Variants in FLACC1 observed in about 807,000 individuals in gnomAD.
FLACC1 encodes flagellum associated containing coiled-coil domains 1, also known as flagellum-associated coiled-coil domain-containing protein 1.
FLACC1 carries 66 observed loss-of-function variants against 62.8 expected under a neutral mutation model. The observed-to-expected ratio is 1.05, with a 90% confidence interval of 0.86 to 1.29. The LOEUF is 1.29. FLACC1 is among the 50% of genes most tolerant of loss of function. FLACC1 has a pLI of 0.00. For synonymous variants in FLACC1, 156 were observed against 161.0 expected (o/e 0.97, Z 0.24); for missense variants, 452 against 489.1 (o/e 0.92, Z 0.71).
chr2:201,342,338 A>G (rs1950825624), intron 7 of FLACC1, 32 bp downstream of exon 7: 1 of 1,612,678 alleles, frequency 6.2e-7, no homozygotes, highest in Non-Finnish European at 8.5e-7. Context: ...AGAGCCATCA[A>G]CACACACAAG....
chr2:201,325,632 C>T (rs1950487495), intron 9 of FLACC1, among the ~76,000 whole-genome samples: 1 of 152,006 alleles, frequency 6.6e-6, no homozygotes, highest in South Asian at 2.1e-4. Flanking sequence ...GAAACAGAAA[C>T]CCTGAACAGG....
At chr2:201,354,095 C>T (rs989798544) in intron 1 of FLACC1, among the ~76,000 whole-genome samples, 2 of 152,228 alleles carry the variant, frequency 1.3e-5, no homozygotes, top group African/African-American at 4.8e-5. Flanking sequence ...TCCAACACGA[C>T]TGATGCTTGA....
chr2:201,338,749 G>C (rs1163984070), intron 7 of FLACC1, among the ~76,000 whole-genome samples: 3 of 152,090 alleles, frequency 2.0e-5, no homozygotes, highest in African/African-American at 7.2e-5. Flanking sequence ...TTGCATTTCT[G>C]ATATAAGTCC....
At chr2:201,302,608 C>T (rs1482566492) in intron 11 of FLACC1, among the ~76,000 whole-genome samples, 1 of 152,154 alleles carries the variant, frequency 6.6e-6, no homozygotes, top group Non-Finnish European at 1.5e-5. Flanking sequence ...AACTCTCCAC[C>T]CCAAATCAAC....
intron 5 of FLACC1, 144 bp from the exon 6 acceptor site, chr2:201,344,407 T>C (rs901873718): frequency 4.1e-6 from 2 of 485,218 alleles, no homozygotes; most frequent in Non-Finnish European, 7.6e-6. Context: ...CATTATGGGG[T>C]GGGGGTGGAG....
intron 12 of FLACC1, 51 bp downstream of exon 12, chr2:201,299,187 T>C (rs760482730): frequency 1.8e-5 from 26 of 1,481,674 alleles, no homozygotes; most frequent in African/African-American, 2.8e-5. Context: ...TGTTATTTTA[T>C]TGGTGTATTT....
intron 1 of FLACC1, among the ~76,000 whole-genome samples, chr2:201,353,167 A>T (rs1055043819): frequency 7.2e-5 from 11 of 152,206 alleles, no homozygotes; most frequent in African/African-American, 2.7e-4. Flanking sequence ...AACCTAAGAA[A>T]ATAAAATGTG....
chr2:201,334,418 T>G (rs913024406), intron 7 of FLACC1, among the ~76,000 whole-genome samples: 5 of 152,214 alleles, frequency 3.3e-5, no homozygotes, highest in Admixed American at 6.5e-5. Flanking sequence ...TTTAAGGATT[T>G]TGGCCTGTAA....
chr2:201,342,347 A>C (rs1447101715), intron 7 of FLACC1, 23 bp downstream of exon 7: 22 of 1,613,734 alleles, frequency 1.4e-5, no homozygotes, highest in Non-Finnish European at 1.8e-5. Flanking sequence ...AACACACACA[A>C]GGGTCCATGC....
chr2:201,299,125 AT>A (rs1232707004), intron 12 of FLACC1, 112 bp downstream of exon 12: 1 of 1,062,064 alleles, frequency 9.4e-7, no homozygotes, highest in African/African-American at 1.6e-5. Flanking sequence ...TAGGTCTTCC[AT>A]TTCTTATTGG....
chr2:201,348,733 C>T (rs1950967566), intron 3 of FLACC1, among the ~76,000 whole-genome samples: 2 of 151,950 alleles, frequency 1.3e-5, no homozygotes, highest in Admixed American at 6.5e-5. Flanking sequence ...ACAAATGTTC[C>T]AGAAAATGAA....
chr2:201,351,841 G>T (rs1185797093), intron 1 of FLACC1: 1 of 156,300 alleles, frequency 6.4e-6, no homozygotes, highest in African/African-American at 2.4e-5. Context: ...CTACTCAGGA[G>T]GCTGAGGTGG....
chr2:201,294,936 A>G (rs1294980546), intron 12 of FLACC1, among the ~76,000 whole-genome samples: 1 of 152,180 alleles, frequency 6.6e-6, no homozygotes, highest in African/African-American at 2.4e-5. Context: ...CTTCAAAGAG[A>G]ATAAAATACC....
intron 7 of FLACC1, 137 bp from the exon 8 acceptor site, chr2:201,330,970 T>C (rs984127076): frequency 5.2e-5 from 29 of 560,988 alleles, no homozygotes; most frequent in African/African-American, 5.1e-4. Context: ...AATTTTTAAA[T>C]CTTTTTTTTT....
At chr2:201,309,321 T>G (rs1392739355) in intron 9 of FLACC1, 71 bp from the exon 10 acceptor site, 2 of 1,170,504 alleles carry the variant, frequency 1.7e-6, no homozygotes, top group Non-Finnish European at 2.6e-6. Flanking sequence ...GCTGTAAAAC[T>G]CAACTCAGGG....
rs573542854 is a variant in FLACC1 at position 201,328,538 on chromosome 2, G to A, written c.675+1932C>T. Among the ~76,000 whole-genome samples, 339 of 152,242 alleles carry A rather than the reference G, an allele frequency of 2.2e-3. 1 individual carries two copies. The highest frequency in any genetic ancestry group is 4.8e-3 in the Admixed American group (74 of 15,282). ...CCTCCCAGGTTCAAGCGATTCTCCCGCCTCAGTTTCCTGAGTAGCTGGGAT... is the reference window on the plus strand; with the variant it reads ...CCTCCCAGGTTCAAGCGATTCTCCCACCTCAGTTTCCTGAGTAGCTGGGAT... On this transcript the variant is annotated intron_variant, in intron 9 of 14. Coordinates refer to ENST00000392257, the MANE Select transcript of FLACC1 (RefSeq NM_001127391.3).
chr2:201,340,640 A>T (rs528359412), intron 7 of FLACC1, among the ~76,000 whole-genome samples: 18 of 152,304 alleles, frequency 1.2e-4, no homozygotes, highest in African/African-American at 4.3e-4. Context: ...TATTGGGATA[A>T]AATTGTCTTA....
intron 9 of FLACC1, among the ~76,000 whole-genome samples, chr2:201,310,920 C>T (rs558452436): frequency 2.6e-5 from 4 of 152,044 alleles, no homozygotes; most frequent in East Asian, 1.9e-4. Context: ...AAAAAAACGA[C>T]GATCCAAATA....
chr2:201,323,973 T>C (rs1007014461), intron 9 of FLACC1, among the ~76,000 whole-genome samples: 3 of 151,934 alleles, frequency 2.0e-5, no homozygotes, highest in African/African-American at 7.3e-5. Context: ...TACATAACAA[T>C]TAACATGATG....
Sources: allele counts gnomAD v4.1 joint callset (sites outside exome capture counted in the v4.1 genomes callset), GRCh38; gene constraint gnomAD v4.1.1; transcripts MANE v1.5; gene names NCBI Gene and HGNC (gene_info 2026-07-23, HGNC 2026-07-21).